The following EIF4G3 variants were observed in gnomAD, a reference collection of about 807,000 sequenced individuals.
EIF4G3 encodes the protein eIF-4-gamma 3.
A neutral mutation model predicts 186.4 loss-of-function variants in EIF4G3; 34 were observed. That is an observed-to-expected ratio of 0.18 (90% CI 0.14 to 0.24). EIF4G3 has a LOEUF of 0.24. Among genes scored for constraint, EIF4G3 ranks in the 10% least tolerant of loss-of-function variants. The probability of loss-of-function intolerance (pLI) is 1.00; values close to 1 mark genes in which losing one functional copy is unlikely to be tolerated. For missense variants in EIF4G3, 1,536 were observed against 1,948.5 expected, an observed-to-expected ratio of 0.79 and a Z score of 3.99; for synonymous variants, 673 against 679.5, an observed-to-expected ratio of 0.99 and a Z score of 0.15.
chr1:21,162,448 TAAA>T (rs149741247), intron 2 of EIF4G3, among the ~76,000 whole-genome samples: 1 of 125,208 alleles, frequency 8.0e-6, no homozygotes, highest in Non-Finnish European at 1.7e-5. Flanking sequence ...GACATCATCT[TAAA>T]AAAAAAAAAA....
chr1:20,870,553 A>T (rs1438054256), intron 20 of EIF4G3, among the ~76,000 whole-genome samples: 1 of 152,152 alleles, frequency 6.6e-6, no homozygotes, highest in Non-Finnish European at 1.5e-5. Context: ...CAAAACAGAA[A>T]AAGTCCCTTT....
At chr1:20,855,122 A>C in intron 25 of EIF4G3, 51 bp from the exon 26 acceptor site, 2 of 1,412,534 alleles carry the variant, frequency 1.4e-6, no homozygotes, top group Non-Finnish European at 1.9e-6. Context: ...CTAGAAGAAT[A>C]GTTTTTCTTT....
intron 14 of EIF4G3, among the ~76,000 whole-genome samples, chr1:20,919,913 CTTTTTT>C (rs556136216): frequency 7.2e-6 from 1 of 138,064 alleles, no homozygotes; most frequent in Non-Finnish European, 1.6e-5. Context: ...GGAGATAATT[CTTTTTT>C]TTTTTTAAGA....
At chr1:20,895,724 A>G (rs1317672449) in intron 16 of EIF4G3, among the ~76,000 whole-genome samples, 1 of 152,248 alleles carries the variant, frequency 6.6e-6, no homozygotes, top group Non-Finnish European at 1.5e-5. Flanking sequence ...TGTTAATGGT[A>G]GTGTAAACAA....
intron 10 of EIF4G3, among the ~76,000 whole-genome samples, chr1:20,974,830 A>T (rs1390076217): frequency 2.6e-5 from 4 of 152,224 alleles, no homozygotes; most frequent in African/African-American, 9.6e-5. Flanking sequence ...TCCAGTACAC[A>T]CATAAAAGAT....
chr1:20,933,533 TAA>T (rs899873620), intron 14 of EIF4G3, among the ~76,000 whole-genome samples: 11 of 152,018 alleles, frequency 7.2e-5, no homozygotes, highest in Admixed American at 7.2e-4. Flanking sequence ...TGCGCACCTG[TAA>T]TCCCAGCTAC....
At chr1:20,984,044 T>C (rs1281877420) in intron 7 of EIF4G3, among the ~76,000 whole-genome samples, 6 of 152,362 alleles carry the variant, frequency 3.9e-5, no homozygotes, top group African/African-American at 1.4e-4. Flanking sequence ...CTGAACAGTA[T>C]GAAACTAATT....
chr1:21,046,846 G>A (rs2093922528), intron 4 of EIF4G3, among the ~76,000 whole-genome samples: 1 of 152,040 alleles, frequency 6.6e-6, no homozygotes, highest in Non-Finnish European at 1.5e-5. Flanking sequence ...ATCTCGACAG[G>A]TAGCCAAATA....
At chr1:20,968,582 T>A (rs1420804968) in intron 12 of EIF4G3, among the ~76,000 whole-genome samples, 5 of 152,152 alleles carry the variant, frequency 3.3e-5, no homozygotes, top group African/African-American at 1.2e-4. Context: ...AACAAGAAAG[T>A]AACATCTTAG....
At chr1:20,920,662 T>C (rs1303054370) in intron 14 of EIF4G3, among the ~76,000 whole-genome samples, 1 of 152,182 alleles carries the variant, frequency 6.6e-6, no homozygotes, top group African/African-American at 2.4e-5. Context: ...TGGTAGACTT[T>C]CTTACTGATC....
intron 10 of EIF4G3, among the ~76,000 whole-genome samples, chr1:20,976,939 A>T (rs930604012): frequency 6.6e-6 from 1 of 152,194 alleles, no homozygotes; most frequent in Non-Finnish European, 1.5e-5. Flanking sequence ...GTATATTTTA[A>T]AAGAAATGAG....
chr1:20,820,296 T>C (rs1432848812), intron 33 of EIF4G3, among the ~76,000 whole-genome samples: 1 of 152,172 alleles, frequency 6.6e-6, no homozygotes, highest in Non-Finnish European at 1.5e-5. Context: ...CCCTGCCTCT[T>C]CTGAGTTGGT....
Position 20,941,689 on chromosome 1 carries a change from G to A in EIF4G3, c.1465C>T (p.Pro489Ser). 1.2e-6 allele frequency: 2 copies of A among 1,613,212 alleles called. No homozygotes were observed. Among genetic ancestry groups the A allele is most frequent in the Non-Finnish European group, 1.7e-6 (2 of 1,179,648 alleles). ...ASPPHTPVIVPAAATTVSSPS... is the reference protein window; with the variant it reads ...ASPPHTPVIVSAAATTVSSPS... ...GAACTAACAGTAGTGGCAGCAGCAG[G>A]AACAATGACTGGAGTGTGAGGAGGA... Residue 489 changes from proline (P) to serine (S), a missense_variant, in exon 14 of 37, where the codon CCT becomes TCT. Pro to Ser is a moderately conservative substitution (Grantham distance 74). Around this residue, in one of 11 missense-constraint regions of EIF4G3, gnomAD observed 560 missense variants for 547.8 expected, o/e 1.02. Coordinates refer to ENST00000602326, the MANE Select transcript of EIF4G3 (RefSeq NM_001391906.1).
At chr1:20,814,588 A>C (rs2059977917) in intron 34 of EIF4G3, among the ~76,000 whole-genome samples, 1 of 152,150 alleles carries the variant, frequency 6.6e-6, no homozygotes, top group African/African-American at 2.4e-5. Context: ...AACTATTTTT[A>C]CATGTGCCAA....
chr1:20,958,050 G>A (rs1490511507), intron 12 of EIF4G3, among the ~76,000 whole-genome samples: 1 of 152,026 alleles, frequency 6.6e-6, no homozygotes, highest in Non-Finnish European at 1.5e-5. Context: ...ATCATTCTAT[G>A]AAGCCAGTAT....
intron 7 of EIF4G3, among the ~76,000 whole-genome samples, chr1:20,989,706 C>T (rs539683093): frequency 7.2e-5 from 11 of 152,054 alleles, no homozygotes; most frequent in African/African-American, 2.4e-4. Context: ...AATCTACTCC[C>T]GGTAAGGAGC....
intron 20 of EIF4G3, among the ~76,000 whole-genome samples, chr1:20,876,209 T>G (rs2080755192): frequency 9.0e-6 from 1 of 110,744 alleles, no homozygotes; most frequent in African/African-American, 3.7e-5. Flanking sequence ...GGATATAGAG[T>G]GAGAGCCTGT....
Position 20,936,440 on chromosome 1 carries a change from C to A in EIF4G3, c.1663+5051G>T, listed in dbSNP as rs139922063. 2.3e-3 allele frequency among the ~76,000 whole-genome samples: 345 copies of A among 152,240 alleles called. 1 individual carries two copies. Among genetic ancestry groups the A allele is most frequent in the Non-Finnish European group, 4.2e-3 (289 of 68,012 alleles). ...GAGTCCTGTTTCCATGTTTCCAGAA[C>A]ACGTTTCTGTAGAAGCTAAATTATA... On this transcript the variant is annotated intron_variant, in intron 14 of 36. Coordinates refer to ENST00000602326, the MANE Select transcript of EIF4G3 (RefSeq NM_001391906.1).
chr1:21,170,114 G>C (rs2097926330), intron 2 of EIF4G3, among the ~76,000 whole-genome samples: 1 of 152,230 alleles, frequency 6.6e-6, no homozygotes, highest in East Asian at 1.9e-4. Context: ...GGCGGAGGTT[G>C]AAGTGAACTG....
Sources: gnomAD v4.1 joint callset for allele counts (sites outside exome capture counted in the v4.1 genomes callset) on GRCh38, gnomAD v4.1.1 for gene constraint, gnomAD v4.1.1 regional missense constraint, MANE v1.5 for transcripts, NCBI Gene and HGNC (gene_info 2026-07-23, HGNC 2026-07-21) for gene names.